Variants in CCDC144A observed in about 807,000 individuals in gnomAD.
The protein encoded by CCDC144A is coiled-coil domain containing 144A.
A neutral mutation model predicts 143.8 loss-of-function variants in CCDC144A; 41 were observed. The observed-to-expected ratio is 0.29, with a 90% CI of 0.22 to 0.37. The LOEUF is 0.37. Among genes scored for constraint, CCDC144A ranks in the 10% least tolerant of loss-of-function variants. The pLI is 1.00. For synonymous variants in CCDC144A, 242 were observed against 517.9 expected (o/e 0.47, Z 7.23); for missense variants, 637 against 1,488.8 (o/e 0.43, Z 9.41).
At chr17:16,678,725 C>T in the CCDC144A span, among the ~76,000 whole-genome samples, 1 of 146,558 alleles carries the variant, frequency 6.8e-6, no homozygotes, top group African/African-American at 2.5e-5. Flanking sequence ...GGACTATAGG[C>T]ATGTGCCACC....
At chr17:16,762,168 C>T (rs1915404437) in intron 13 of CCDC144A, 145 bp from the exon 14 acceptor site, 1 of 1,289,666 alleles carries the variant, frequency 7.8e-7, no homozygotes, top group Non-Finnish European at 1.0e-6. Flanking sequence ...TTCTTTCTTT[C>T]TTCACATTTT....
chr17:16,749,572 T>G (rs2621525), intron 12 of CCDC144A, among the ~76,000 whole-genome samples: 3 of 152,264 alleles, frequency 2.0e-5, no homozygotes, highest in Admixed American at 1.3e-4. Flanking sequence ...TGTAGTTGTT[T>G]GGTGGAGTAT....
intron 8 of CCDC144A, among the ~76,000 whole-genome samples, chr17:16,723,292 T>C (rs541779888): frequency 1.3e-5 from 2 of 152,280 alleles, no homozygotes; most frequent in Non-Finnish European, 2.9e-5. Flanking sequence ...AAGCTTACCT[T>C]ATTATATTTC....
At position 16,727,554 on chromosome 17, in the gene CCDC144A, A is replaced by T; in HGVS notation, c.1919A>T (p.Asp640Val). The T allele has an allele frequency of 1.2e-6, 1 of 851,490 alleles. No homozygotes were observed. The highest frequency in any genetic ancestry group is 2.6e-5 in the Admixed American group (1 of 39,130). 52.7% of individuals were successfully genotyped at this position (851,490 alleles called of 1,614,324 possible). The change falls in exon 9 of 17, where the codon GAC becomes GTC. Residue 640 changes from aspartate to valine, a missense_variant. Coordinates refer to ENST00000399273, the MANE Select transcript of CCDC144A (RefSeq NM_001382000.1). ...KDSASLPRIQ[D>V]TFCLCEHLLK... ...TCTGCTAGCCTACCAAGAATCCAAG[A>T]CACATTTTGTTTGTGTGAACACTTA...
Position 16,732,663 on chromosome 17 carries a change from T to C in CCDC144A, c.2415T>C (p.Ser805=). 6.2e-7 allele frequency: 1 copy of C among 1,603,234 alleles called. No homozygotes were observed. The highest frequency in any genetic ancestry group is 8.5e-7 in the Non-Finnish European group (1 of 1,176,236). Residue 805 remains serine (S), a synonymous_variant, in exon 11 of 17, where the codon TCT becomes TCC. Coordinates refer to ENST00000399273, the MANE Select transcript of CCDC144A (RefSeq NM_001382000.1). ...ELEMARKKMN[S]EISHRHQKEK... ...AAATGGCTCGAAAGAAAATGAATTC[T>C]GAGGTATTTTCTTTAGTCATTTTCA...
At chr17:16,684,881 G>A (rs1025213708), upstream of CCDC144A, among the ~76,000 whole-genome samples, 3 of 152,146 alleles carry the variant, frequency 2.0e-5, no homozygotes, top group African/African-American at 2.4e-5. Flanking sequence ...AGGATGACTT[G>A]AGCTGGGGAG....
At chr17:16,674,067 T>G in the CCDC144A span, among the ~76,000 whole-genome samples, 3 of 152,124 alleles carry the variant, frequency 2.0e-5, no homozygotes, top group African/African-American at 7.2e-5. Flanking sequence ...CTTCCAAATT[T>G]TAAGGAATAG....
At chr17:16,753,428 G>GTTTTT in intron 12 of CCDC144A, among the ~76,000 whole-genome samples, 133 of 57,366 alleles carry the variant, frequency 2.3e-3, no homozygotes, top group Middle Eastern at 0.021. Context: ...GTGTTTTGTA[G>GTTTTT]TTTTTTTTTT....
At chr17:16,682,715 G>T in the CCDC144A span, among the ~76,000 whole-genome samples, 3 of 151,864 alleles carry the variant, frequency 2.0e-5, no homozygotes, top group African/African-American at 7.3e-5. Context: ...TGTGTCAAAT[G>T]CTGCTGATAC....
In CCDC144A at chr17:16,708,891, G is replaced by A; in HGVS notation, c.834G>A (p.Met278Ile). 2 of 1,611,742 alleles carry A rather than the reference G, an allele frequency of 1.2e-6. No homozygotes were observed. The highest frequency in any genetic ancestry group is 1.7e-6 in the Non-Finnish European group (2 of 1,179,704). ...VLPHVQKSEE[M>I]WIEQGKLEWK... is the part of the protein sequence containing the mutation. ...CTCATGTGCAAAAATCTGAGGAAAT[G>A]TGGATTGAACAAGGCAAATTAGAGT... Residue 278 changes from methionine to isoleucine, a missense_variant, in exon 5 of 17, where the codon ATG becomes ATA. Met to Ile is a conservative substitution (Grantham distance 10). Transcript: ENST00000399273.
At chr17:16,767,970 G>T (rs1289981737) in intron 15 of CCDC144A, among the ~76,000 whole-genome samples, 3 of 152,266 alleles carry the variant, frequency 2.0e-5, no homozygotes, top group Non-Finnish European at 2.9e-5. Context: ...TCTGCAACCG[G>T]TTACGGGGTT....
intron 12 of CCDC144A, among the ~76,000 whole-genome samples, chr17:16,744,397 C>CATT (rs1914396420): frequency 6.6e-6 from 1 of 152,126 alleles, no homozygotes; most frequent in Admixed American, 6.5e-5. Context: ...TAGTAATAGC[C>CATT]ATTATGTCTG....
intron 9 of CCDC144A, among the ~76,000 whole-genome samples, chr17:16,729,152 G>A (rs1348387589): frequency 2.0e-5 from 3 of 152,158 alleles, no homozygotes; most frequent in Non-Finnish European, 4.4e-5. Context: ...TTAGTTGTTT[G>A]AGAAATCTGT....
At chr17:16,690,028 G>C (rs1182677415), upstream of CCDC144A, 1 of 164,260 alleles carries the variant, frequency 6.1e-6, no homozygotes, top group African/African-American at 2.4e-5. Context: ...CCACCTGCAG[G>C]CCAAGGAGTC....
chr17:16,708,995 C>T lies in CCDC144A; in HGVS notation c.938C>T (p.Ala313Val). 2 of 1,611,602 alleles carry T rather than the reference C, an allele frequency of 1.2e-6. No individual in the cohort carries two copies. Among genetic ancestry groups the T allele is most frequent in the South Asian group, 1.1e-5 (1 of 90,966 alleles). Residue 313 changes from alanine to valine, a missense_variant, in exon 5 of 17, where the codon GCT (alanine) becomes GTT (valine). Coordinates refer to ENST00000399273, the MANE Select transcript of CCDC144A (RefSeq NM_001382000.1). ...ATTTATGAAAAATACAAAATTCCGGCTTGTCCTGAGGAAGAGCCACTACTT... is the reference window on the plus strand; with the variant it reads ...ATTTATGAAAAATACAAAATTCCGGTTTGTCCTGAGGAAGAGCCACTACTT... Reference protein sequence around the residue: ...GEIYEKYKIPACPEEEPLLDN... With the variant: ...GEIYEKYKIPVCPEEEPLLDN...
chr17:16,677,098 C>T, the CCDC144A span, among the ~76,000 whole-genome samples: 3 of 152,028 alleles, frequency 2.0e-5, no homozygotes, highest in African/African-American at 7.2e-5. Context: ...CTTCCTTGCC[C>T]TCCAGTTGAC....
At chr17:16,697,062 C>T (rs908136115) in intron 2 of CCDC144A, among the ~76,000 whole-genome samples, 28 of 152,026 alleles carry the variant, frequency 1.8e-4, no homozygotes, top group Admixed American at 1.0e-3. Flanking sequence ...ATAATCATTT[C>T]TTCTTTTGGA....
At chr17:16,683,231 C>A in the CCDC144A span, among the ~76,000 whole-genome samples, 1 of 151,942 alleles carries the variant, frequency 6.6e-6, no homozygotes. Flanking sequence ...TGCATATGTT[C>A]CTGAGCGCAA....
chr17:16,688,462 G>T (rs980578676), upstream of CCDC144A, among the ~76,000 whole-genome samples: 2 of 149,922 alleles, frequency 1.3e-5, no homozygotes, highest in African/African-American at 5.0e-5. Flanking sequence ...AGGAGGCAGG[G>T]TGATACTTTT....
Sources: allele counts gnomAD v4.1 joint callset (sites outside exome capture counted in the v4.1 genomes callset), GRCh38; gene constraint gnomAD v4.1.1; transcripts MANE v1.5; gene names NCBI Gene and HGNC (gene_info 2026-07-23, HGNC 2026-07-21).